Variants in HS6ST2 observed in about 807,000 individuals in gnomAD.
HS6ST2 encodes heparan sulfate 6-O-sulfotransferase 2, also known as heparan-sulfate 6-O-sulfotransferase 2.
In HS6ST2, 17 loss-of-function variants were observed where a neutral mutation model predicts 33.0. That is an observed-to-expected ratio of 0.52 (90% confidence interval 0.35 to 0.77). HS6ST2 has a LOEUF of 0.77. Ranked by LOEUF, HS6ST2 falls within the 30% of genes least tolerant of loss-of-function variation. The pLI is 0.01. For synonymous variants in HS6ST2, 248 were observed against 237.1 expected (o/e 1.05, Z -0.42); for missense variants, 519 against 551.7 (o/e 0.94, Z 0.59).
At chrX:132,926,540 G>GA (rs1164656463) in intron 2 of HS6ST2, among the ~76,000 whole-genome samples, 1 of 112,561 alleles carries the variant, frequency 8.9e-6, no homozygotes, top group Non-Finnish European at 1.9e-5. Flanking sequence ...AACTAGCGAG[G>GA]AAAACCTGTC....
At chrX:132,769,745 C>T (rs891958821) in intron 2 of HS6ST2, among the ~76,000 whole-genome samples, 4 of 112,129 alleles carry the variant, frequency 3.6e-5, no homozygotes, top group African/African-American at 9.7e-5. Flanking sequence ...ATGAGGTAGG[C>T]GCAAAAGCGG....
chrX:132,835,708 G>T (rs951383230), intron 2 of HS6ST2, among the ~76,000 whole-genome samples: 3 of 112,092 alleles, frequency 2.7e-5, no homozygotes, highest in African/African-American at 9.7e-5. Flanking sequence ...CTGAGGTCAG[G>T]AGTTTGAGAC....
chrX:132,787,216 CAT>C lies in HS6ST2; in HGVS notation c.948-78724_948-78723del, dbSNP rs1210231768. Among the ~76,000 whole-genome samples, 160 of 75,004 alleles carry C rather than the reference CAT, an allele frequency of 2.1e-3. 2 individuals carry two copies. The highest frequency in any genetic ancestry group is 3.2e-3 in the African/African-American group (59 of 18,393). The allele number at this position is 75,004 out of a possible 115,157, so 65.1% of individuals were successfully genotyped here. ...ATATATATACACATATATATATACACATATATATATACACATATATATACATA... is the reference window on the plus strand; with the variant it reads ...ATATATATACACATATATATATACACATATATATACACATATATATACATA... On this transcript the variant is annotated intron_variant, in intron 2 of 4. Transcript: ENST00000370833.
chrX:132,852,435 T>C (rs2065812164), intron 2 of HS6ST2, among the ~76,000 whole-genome samples: 1 of 112,155 alleles, frequency 8.9e-6, no homozygotes, highest in South Asian at 3.8e-4. Context: ...TCCAGCCCTA[T>C]TTCTAATCCA....
intron 3 of HS6ST2, among the ~76,000 whole-genome samples, chrX:132,683,073 C>T (rs1417094086): frequency 1.8e-5 from 2 of 111,288 alleles, no homozygotes; most frequent in East Asian, 5.7e-4. Flanking sequence ...ATGACCACAC[C>T]ACTGCACTCC....
At chrX:132,805,867 T>A (rs2065277077) in intron 2 of HS6ST2, among the ~76,000 whole-genome samples, 1 of 110,598 alleles carries the variant, frequency 9.0e-6, no homozygotes, top group Admixed American at 9.6e-5. Flanking sequence ...TTGAATAGAT[T>A]GAGTAGACTG....
At chrX:132,655,582 G>A (rs243444) in intron 4 of HS6ST2, among the ~76,000 whole-genome samples, 41,728 of 109,726 alleles carry the variant, frequency 0.38, 9,787 homozygotes, top group African/African-American at 0.87. Flanking sequence ...ATGAACTAGT[G>A]TTTGGACATG....
intron 2 of HS6ST2, among the ~76,000 whole-genome samples, chrX:132,952,148 T>C (rs1463634301): frequency 4.5e-5 from 5 of 112,254 alleles, no homozygotes; most frequent in Admixed American, 9.5e-5. Flanking sequence ...TATTAAGTGA[T>C]GTTAATTCTG....
In HS6ST2 at chrX:132,798,176, C is replaced by T. The variant is rs181855224; in HGVS notation, c.948-89682G>A. Among the ~76,000 whole-genome samples the T allele has an allele frequency of 2.7e-5, 3 of 110,375 alleles. No individual in the cohort carries two copies. The Admixed American group carries it at 2.9e-4, about 11-fold the overall frequency. Reference sequence around the variant, plus strand: ...GCCTGGATACATGCAAGGAAGGAAGCAAAAGGGGCCCCTACTGCATATTGT... The same window carrying T: ...GCCTGGATACATGCAAGGAAGGAAGTAAAAGGGGCCCCTACTGCATATTGT... On this transcript the variant is annotated intron_variant, in intron 2 of 4. Coordinates refer to ENST00000370833, the MANE Select transcript of HS6ST2 (RefSeq NM_001394073.1).
chrX:132,877,167 G>A (rs984065494), intron 2 of HS6ST2, among the ~76,000 whole-genome samples: 3 of 111,852 alleles, frequency 2.7e-5, no homozygotes, highest in Admixed American at 9.5e-5. Context: ...GGACAGTCCC[G>A]AGAGGGGAAT....
intron 2 of HS6ST2, among the ~76,000 whole-genome samples, chrX:132,934,631 A>G (rs1366499160): frequency 3.6e-5 from 4 of 111,996 alleles, no homozygotes; most frequent in Non-Finnish European, 7.5e-5. Context: ...AATACAGTAG[A>G]AAATCATTAA....
intron 3 of HS6ST2, among the ~76,000 whole-genome samples, chrX:132,686,208 A>G (rs1402647247): frequency 8.9e-6 from 1 of 112,613 alleles, no homozygotes; most frequent in African/African-American, 3.2e-5. Flanking sequence ...TCCATTAAAT[A>G]TAATGTTATT....
intron 4 of HS6ST2, among the ~76,000 whole-genome samples, chrX:132,642,078 C>A (rs941789852): frequency 1.4e-4 from 16 of 111,586 alleles, no homozygotes; most frequent in African/African-American, 4.6e-4. Context: ...CACACAGAAT[C>A]ATTTCTTTAG....
At chrX:132,961,304 G>A (rs995788774), upstream of HS6ST2, 7 of 110,782 alleles carry the variant, frequency 6.3e-5, no homozygotes, top group Admixed American at 9.6e-5. Context: ...TCTATGGTGT[G>A]GTATGATTTT....
intron 2 of HS6ST2, among the ~76,000 whole-genome samples, chrX:132,914,810 A>C (rs761767320): frequency 7.1e-5 from 8 of 112,604 alleles, no homozygotes; most frequent in Admixed American, 3.8e-4. Flanking sequence ...AACACACAAA[A>C]GGGACCAAAC....
chrX:132,745,258 G>A (rs1339210383), intron 2 of HS6ST2, among the ~76,000 whole-genome samples: 2 of 111,459 alleles, frequency 1.8e-5, no homozygotes, highest in South Asian at 3.8e-4. Context: ...GCTAATTTTC[G>A]TATTTTTGGT....
chrX:132,778,792 G>A (rs1408832736), intron 2 of HS6ST2, among the ~76,000 whole-genome samples: 2 of 111,489 alleles, frequency 1.8e-5, no homozygotes, highest in African/African-American at 6.5e-5. Context: ...TAAAGGAGTT[G>A]GAATTGGCCT....
chrX:132,833,258 C>T (rs914895853), intron 2 of HS6ST2, among the ~76,000 whole-genome samples: 1 of 110,801 alleles, frequency 9.0e-6, no homozygotes, highest in Admixed American at 9.7e-5. Flanking sequence ...TGTGTTGGGC[C>T]CCGTACATTA....
intron 2 of HS6ST2, among the ~76,000 whole-genome samples, chrX:132,891,788 T>G (rs553120829): frequency 1.8e-5 from 2 of 112,110 alleles, no homozygotes; most frequent in African/African-American, 3.2e-5. Context: ...TCTATCATTG[T>G]TGGACATTTG....
Sources: gnomAD v4.1 joint callset for allele counts (sites outside exome capture counted in the v4.1 genomes callset) on GRCh38, gnomAD v4.1.1 for gene constraint, MANE v1.5 for transcripts, NCBI Gene and HGNC (gene_info 2026-07-23, HGNC 2026-07-21) for gene names.